The following CPXM2 variants were observed in gnomAD, a reference collection of about 807,000 sequenced individuals.
CPXM2 encodes carboxypeptidase X, M14 family member 2, also known as inactive carboxypeptidase-like protein X2.
Under a neutral mutation model 86.1 loss-of-function variants are expected in CPXM2, and 66 were observed. The ratio of observed to expected loss-of-function variants is 0.77; its 90% CI spans 0.63 to 0.94. The LOEUF (loss-of-function observed/expected upper bound fraction) is 0.94, where lower values mean the gene tolerates loss of function less well. Ranked by LOEUF, CPXM2 falls within the 40% of genes least tolerant of loss-of-function variation. The probability of loss-of-function intolerance (pLI) is 0.00; values close to 1 mark genes in which losing one functional copy is unlikely to be tolerated. For missense variants in CPXM2, 948 were observed against 1,026.3 expected (o/e 0.92, Z 1.04); for synonymous variants, 388 against 400.2 (o/e 0.97, Z 0.36).
intron 1 of CPXM2, among the ~76,000 whole-genome samples, chr10:123,887,863 C>T (rs1293761015): frequency 1.3e-5 from 2 of 152,128 alleles, no homozygotes; most frequent in Non-Finnish European, 2.9e-5. Context: ...TTGCAATTTC[C>T]TGTGAGTTTA....
At chr10:123,886,904 T>G (rs536670452) in intron 1 of CPXM2, 1 of 152,308 alleles carries the variant, frequency 6.6e-6, no homozygotes, top group Admixed American at 6.5e-5. Flanking sequence ...GTCATCAATT[T>G]GAAGATGGCA....
chr10:123,792,053 G>T (rs970096312), intron 6 of CPXM2, among the ~76,000 whole-genome samples: 7 of 152,214 alleles, frequency 4.6e-5, no homozygotes, highest in Non-Finnish European at 1.0e-4. Flanking sequence ...AGAGGCTTTG[G>T]CATTCTTGTT....
intron 11 of CPXM2, 92 bp from the exon 12 acceptor site, chr10:123,757,444 C>G (rs1245358634): frequency 9.2e-7 from 1 of 1,090,026 alleles, no homozygotes; most frequent in Non-Finnish European, 1.4e-6. Flanking sequence ...TGTTTAAGAA[C>G]ATTCGGAAGG....
chr10:123,803,311 C>T (rs976332415), intron 4 of CPXM2, among the ~76,000 whole-genome samples: 7 of 151,482 alleles, frequency 4.6e-5, no homozygotes, highest in Non-Finnish European at 8.8e-5. Flanking sequence ...GGGGTTTTGC[C>T]ATGTTGCCCA....
intron 2 of CPXM2, among the ~76,000 whole-genome samples, chr10:123,867,485 C>A (rs746660878): frequency 1.4e-5 from 2 of 143,596 alleles, no homozygotes; most frequent in Non-Finnish European, 3.1e-5. Flanking sequence ...CATTTTTCTT[C>A]TTTTCTTTCT....
chr10:123,860,374 A>G (rs1231712600), intron 3 of CPXM2, among the ~76,000 whole-genome samples: 1 of 152,154 alleles, frequency 6.6e-6, no homozygotes, highest in Non-Finnish European at 1.5e-5. Context: ...ATCTAGAAAC[A>G]TCAAGGCCAA....
At chr10:123,808,878 T>C (rs1356825908) in intron 4 of CPXM2, among the ~76,000 whole-genome samples, 1 of 152,212 alleles carries the variant, frequency 6.6e-6, no homozygotes, top group Non-Finnish European at 1.5e-5. Flanking sequence ...CAGATGCCTT[T>C]GGAAGCACTT....
At chr10:123,878,506 C>CGTGTGTGTGTGT (rs200009107) in intron 2 of CPXM2, among the ~76,000 whole-genome samples, 33 of 134,880 alleles carry the variant, frequency 2.4e-4, no homozygotes, top group East Asian at 4.4e-4. Flanking sequence ...CAAATTCAGA[C>CGTGTGTGTGTGT]GTGTGTGTGT....
chr10:123,846,022 A>T (rs1270829020), intron 3 of CPXM2, among the ~76,000 whole-genome samples: 1 of 152,208 alleles, frequency 6.6e-6, no homozygotes, highest in Non-Finnish European at 1.5e-5. Context: ...TTTCAGATTC[A>T]CAGACTCTCA....
chr10:123,875,855 C>T (rs147017340), intron 2 of CPXM2, among the ~76,000 whole-genome samples: 2,004 of 126,478 alleles, frequency 0.016, 53 homozygotes, highest in African/African-American at 0.057. Context: ...CTCGCTCTGT[C>T]ACCCAGGCTG....
In CPXM2 at chr10:123,907,899, A is replaced by T. The variant is rs1041399943; in HGVS notation, n.175-27590T>A. Among the ~76,000 whole-genome samples the T allele has an allele frequency of 2.6e-5, 4 of 152,168 alleles. No homozygotes were observed. In the East Asian group the frequency reaches 7.7e-4, roughly 29 times the overall value. On this transcript the variant is annotated intron_variant and non_coding_transcript_variant, in intron 2 of 19. Transcript: ENST00000368854. ...ATACAGAGCTTTTGATAAACATTTTAAAAAGAAAAAAGGAAGAGAGGGGAA... is the reference window on the plus strand; with the variant it reads ...ATACAGAGCTTTTGATAAACATTTTTAAAAGAAAAAAGGAAGAGAGGGGAA...
chr10:123,761,935 T>C lies in CPXM2; in HGVS notation c.1714A>G (p.Thr572Ala), dbSNP rs1846351628. ...MTDARRRVCH[T>A]EDFQKEEGTV... The stretch of plus-strand genomic sequence containing the variant: ...CCCTCCTCCTTCTGGAAGTCCTCCG[T>C]GTGGCACACCCTCCTCCGGGCGTCT... The change falls in exon 11 of 14, where the codon ACG becomes GCG. Residue 572 changes from threonine to alanine, a missense_variant. Physicochemically the swap from Thr to Ala is moderately conservative, Grantham distance 58. Transcript: ENST00000241305. 1 of 1,613,864 alleles carries C rather than the reference T, an allele frequency of 6.2e-7. No homozygotes were observed. The highest frequency in any genetic ancestry group is 8.5e-7 in the Non-Finnish European group (1 of 1,179,914).
At chr10:123,807,157 G>C (rs1847597392) in intron 4 of CPXM2, among the ~76,000 whole-genome samples, 2 of 152,166 alleles carry the variant, frequency 1.3e-5, no homozygotes, top group African/African-American at 2.4e-5. Context: ...ATTATACACT[G>C]TCAGATGCCA....
intron 2 of CPXM2, among the ~76,000 whole-genome samples, chr10:123,906,077 G>A (rs1240007725): frequency 6.6e-6 from 1 of 152,126 alleles, no homozygotes; most frequent in Non-Finnish European, 1.5e-5. Context: ...ACATCCCACT[G>A]CCAGGCATAG....
chr10:123,905,644 T>C (rs1380138911), intron 2 of CPXM2, among the ~76,000 whole-genome samples: 2 of 152,102 alleles, frequency 1.3e-5, no homozygotes, highest in African/African-American at 4.8e-5. Flanking sequence ...CCACCTAATG[T>C]GACCGTACAT....
At chr10:123,887,995 T>C (rs569477971) in intron 1 of CPXM2, among the ~76,000 whole-genome samples, 19 of 152,326 alleles carry the variant, frequency 1.2e-4, no homozygotes, top group Admixed American at 6.5e-4. Context: ...TACTCTCAGT[T>C]AGCCAAAGGG....
intron 6 of CPXM2, among the ~76,000 whole-genome samples, chr10:123,795,047 G>A (rs1327918522): frequency 6.6e-6 from 1 of 152,196 alleles, no homozygotes; most frequent in Non-Finnish European, 1.5e-5. Flanking sequence ...TGGGATTACA[G>A]GTGGGAGCCA....
At chr10:123,748,185 G>A (rs1193903600) in intron 13 of CPXM2, among the ~76,000 whole-genome samples, 1 of 152,116 alleles carries the variant, frequency 6.6e-6, no homozygotes, top group East Asian at 1.9e-4. Flanking sequence ...CCAGAGAGGT[G>A]TAGTATCCTG....
At chr10:123,787,482 C>T (rs1040659184) in intron 6 of CPXM2, among the ~76,000 whole-genome samples, 2 of 152,090 alleles carry the variant, frequency 1.3e-5, no homozygotes, top group Non-Finnish European at 2.9e-5. Context: ...TACAGGCACC[C>T]ACCACCACGC....
Sources: gnomAD v4.1 joint callset for allele counts (sites outside exome capture counted in the v4.1 genomes callset) on GRCh38, gnomAD v4.1.1 for gene constraint, MANE v1.5 for transcripts, NCBI Gene and HGNC (gene_info 2026-07-23, HGNC 2026-07-21) for gene names.